Variants in MTBP observed in about 807,000 individuals in gnomAD.
The protein encoded by MTBP is MDM2 binding protein.
MTBP carries 101 observed loss-of-function variants against 117.0 expected under a neutral mutation model. The ratio of observed to expected loss-of-function variants is 0.86; its 90% CI spans 0.73 to 1.02. MTBP has a LOEUF of 1.02. Ranked by LOEUF, MTBP falls within the 50% of genes least tolerant of loss-of-function variation. MTBP has a pLI of 0.00. For synonymous variants in MTBP, 350 were observed against 351.5 expected (o/e 1.00, Z 0.05); for missense variants, 970 against 1,030.9 (o/e 0.94, Z 0.81).
intron 20 of MTBP, among the ~76,000 whole-genome samples, chr8:120,520,097 A>G (rs953522991): frequency 6.6e-6 from 1 of 152,162 alleles, no homozygotes; most frequent in Non-Finnish European, 1.5e-5. Flanking sequence ...CTAGACAGCC[A>G]TGGATTAGCA....
intron 16 of MTBP, 139 bp from the exon 17 acceptor site, chr8:120,509,795 T>C (rs924528031): frequency 1.1e-5 from 6 of 544,284 alleles, no homozygotes; most frequent in African/African-American, 1.9e-5. Flanking sequence ...TTATACTTTC[T>C]GGTGTGCCTT....
chr8:120,487,781 G>T (rs1361302032), intron 11 of MTBP, among the ~76,000 whole-genome samples: 1 of 152,204 alleles, frequency 6.6e-6, no homozygotes, highest in Non-Finnish European at 1.5e-5. Context: ...CCCAAGTATA[G>T]CTGTATCCTT....
intron 15 of MTBP, among the ~76,000 whole-genome samples, chr8:120,505,880 ATT>A (rs1814675939): frequency 6.6e-6 from 1 of 152,082 alleles, no homozygotes; most frequent in Non-Finnish European, 1.5e-5. Context: ...ATAATAACTA[ATT>A]TGGAGTTAGT....
rs529319628 is a variant in MTBP at position 120,451,195 on chromosome 8, A to G, written c.298A>G (p.Ile100Val). 1.9e-6 allele frequency: 3 copies of G among 1,607,692 alleles called. No individual in the cohort carries two copies. The South Asian group carries it at 3.3e-5, about 18-fold the overall frequency. ...YQFCSSDWQE[I>V]HFDTEKDKIE... Reference sequence around the variant, plus strand: ...GTTTTGTAGTTCTGATTGGCAAGAGATACATTTTGATACAGAAAAAGATAA... The same window carrying G: ...GTTTTGTAGTTCTGATTGGCAAGAGGTACATTTTGATACAGAAAAAGATAA... Residue 100 changes from isoleucine (I) to valine (V), a missense_variant, in exon 4 of 22, where the codon ATA (isoleucine) becomes GTA (valine). Physicochemically the swap from Ile to Val is conservative, Grantham distance 29. Coordinates refer to ENST00000305949, the MANE Select transcript of MTBP (RefSeq NM_022045.5).
chr8:120,479,740 C>T (rs1814032073), intron 11 of MTBP, among the ~76,000 whole-genome samples: 1 of 151,998 alleles, frequency 6.6e-6, no homozygotes, highest in African/African-American at 2.4e-5. Flanking sequence ...TTCCAAATAA[C>T]CTATAGGTCA....
At chr8:120,464,777 A>C (rs557631752) in intron 10 of MTBP, among the ~76,000 whole-genome samples, 1 of 152,118 alleles carries the variant, frequency 6.6e-6, no homozygotes, top group East Asian at 1.9e-4. Flanking sequence ...TCTAAGAATA[A>C]CTAATTTACT....
At chr8:120,514,284 C>T (rs1023582444) in intron 17 of MTBP, among the ~76,000 whole-genome samples, 3 of 151,806 alleles carry the variant, frequency 2.0e-5, no homozygotes, top group African/African-American at 7.3e-5. Flanking sequence ...TAACTATAGT[C>T]CTTGTACTGT....
intron 9 of MTBP, 42 bp from the exon 10 acceptor site, chr8:120,463,650 T>C: frequency 6.8e-7 from 1 of 1,462,220 alleles, no homozygotes; most frequent in Non-Finnish European, 9.3e-7. Context: ...GTACATTGTT[T>C]CATGGGTACC....
intron 4 of MTBP, 70 bp from the exon 5 acceptor site, chr8:120,453,777 A>G (rs906678057): frequency 6.3e-5 from 42 of 661,460 alleles, no homozygotes; most frequent in Non-Finnish European, 1.0e-4. Flanking sequence ...TTTAGTTAAT[A>G]TTACCTATTA....
rs1040851202 is a variant in MTBP, at chr8:120,456,657, T to C, written c.734T>C (p.Ile245Thr). 20 of 1,562,618 alleles carry C rather than the reference T, an allele frequency of 1.3e-5. No homozygotes were observed. The highest frequency in any genetic ancestry group is 1.7e-5 in the Non-Finnish European group (19 of 1,140,652). The change falls in exon 7 of 22, where the codon ATA (isoleucine) becomes ACA (threonine). Residue 245 changes from isoleucine (I) to threonine (T), a missense_variant. By Grantham distance (89) the Ile-to-Thr change is moderately conservative. Transcript: ENST00000305949. Reference sequence around the variant, plus strand: ...GAATTATGGAGGGGGAAAATACAGATATGGGAAAGAAAGGTAAATGGATTA... The same window carrying C: ...GAATTATGGAGGGGGAAAATACAGACATGGGAAAGAAAGGTAAATGGATTA... ...SKELWRGKIQIWERKFGFEIS... is the reference protein window; with the variant it reads ...SKELWRGKIQTWERKFGFEIS...
intron 11 of MTBP, among the ~76,000 whole-genome samples, chr8:120,485,064 G>A (rs919886956): frequency 6.6e-6 from 1 of 152,072 alleles, no homozygotes; most frequent in East Asian, 1.9e-4. Context: ...CCACACATCA[G>A]TTGATGGACA....
At chr8:120,470,571 A>G (rs1813796007) in intron 10 of MTBP, among the ~76,000 whole-genome samples, 2 of 152,344 alleles carry the variant, frequency 1.3e-5, no homozygotes, top group Admixed American at 6.5e-5. Context: ...CTCAGTGGAA[A>G]AGGGAAGCCT....
intron 17 of MTBP, among the ~76,000 whole-genome samples, chr8:120,512,221 A>G (rs574144089): frequency 4.6e-5 from 7 of 152,304 alleles, no homozygotes; most frequent in Admixed American, 2.0e-4. Context: ...TGCTAGTATT[A>G]ACATTTGCTT....
At chr8:120,514,223 G>A (rs1814874627) in intron 17 of MTBP, among the ~76,000 whole-genome samples, 1 of 151,828 alleles carries the variant, frequency 6.6e-6, no homozygotes, top group African/African-American at 2.4e-5. Flanking sequence ...TGTGCCAAGA[G>A]CACCCAAAGT....
intron 17 of MTBP, among the ~76,000 whole-genome samples, chr8:120,510,381 G>C (rs931318203): frequency 6.6e-6 from 1 of 152,010 alleles, no homozygotes; most frequent in African/African-American, 2.4e-5. Flanking sequence ...ATAGGGCCCA[G>C]CATTTCAATA....
At chr8:120,508,477 T>A (rs918501080) in intron 16 of MTBP, among the ~76,000 whole-genome samples, 1 of 152,144 alleles carries the variant, frequency 6.6e-6, no homozygotes, top group Non-Finnish European at 1.5e-5. Context: ...AATACTGGGG[T>A]CATTGTAATT....
chr8:120,475,461 T>G (rs1341899988), intron 11 of MTBP, among the ~76,000 whole-genome samples: 1 of 151,944 alleles, frequency 6.6e-6, no homozygotes, highest in African/African-American at 2.4e-5. Context: ...GTGCTCCAAT[T>G]TTTATCAGTT....
rs1814966230 is a variant in MTBP, at chr8:120,518,827, C to T, written c.2610+10C>T. ...TAAGTTCTATCTAAAGGTACGGTATCTTCTCTACTAATGGCAAAATTTAGT... is the reference window on the plus strand; with the variant it reads ...TAAGTTCTATCTAAAGGTACGGTATTTTCTCTACTAATGGCAAAATTTAGT... On this transcript the variant is annotated intron_variant, in intron 20 of 21. Coordinates refer to ENST00000305949, the MANE Select transcript of MTBP (RefSeq NM_022045.5). 1.3e-6 allele frequency: 2 copies of T among 1,569,474 alleles called. No individual in the cohort carries two copies. The highest frequency in any genetic ancestry group is 1.7e-6 in the Non-Finnish European group (2 of 1,151,072).
At chr8:120,487,170 G>C (rs1350261852) in intron 11 of MTBP, among the ~76,000 whole-genome samples, 5 of 152,132 alleles carry the variant, frequency 3.3e-5, no homozygotes, top group African/African-American at 1.2e-4. Flanking sequence ...ACAGTCATTT[G>C]CCTGAATAGA....
Sources: gnomAD v4.1 joint callset for allele counts (sites outside exome capture counted in the v4.1 genomes callset) on GRCh38, gnomAD v4.1.1 for gene constraint, MANE v1.5 for transcripts, NCBI Gene and HGNC (gene_info 2026-07-23, HGNC 2026-07-21) for gene names.